Variants in KALRN observed in about 807,000 individuals in gnomAD.
KALRN encodes the protein kalirin RhoGEF kinase.
A neutral mutation model predicts 353.7 loss-of-function variants in KALRN; 70 were observed. The observed-to-expected ratio is 0.20, with a 90% CI of 0.16 to 0.24. The LOEUF is 0.24. Among genes scored for constraint, KALRN ranks in the 10% least tolerant of loss-of-function variants. The pLI, the probability that KALRN is intolerant of heterozygous loss-of-function variation, is 1.00. For synonymous variants in KALRN, 1,391 were observed against 1,434.8 expected (o/e 0.97, Z 0.69); for missense variants, 2,791 against 3,756.7 (o/e 0.74, Z 6.72).
Position 124,506,880 on chromosome 3 carries a change from T to G in KALRN, c.4935+10467T>G, listed in dbSNP as rs147069569. Among the ~76,000 whole-genome samples, 213 of 152,350 alleles carry G rather than the reference T, an allele frequency of 1.4e-3. 3 individuals are homozygous for G. The highest frequency in any genetic ancestry group is 3.9e-4 in the East Asian group (2 of 5,184). On this transcript the variant is annotated intron_variant, in intron 33 of 59. Transcript: ENST00000682506. The stretch of plus-strand genomic sequence containing the variant: ...TATTTTCCTTTACTTGGGATTTTCA[T>G]GTAGGCTGTCTTTTTATCTCATTTA...
chr3:124,246,342 C>T (rs1362260512), intron 3 of KALRN, among the ~76,000 whole-genome samples: 3 of 152,266 alleles, frequency 2.0e-5, no homozygotes, highest in African/African-American at 7.2e-5. Flanking sequence ...GTCACAGGGC[C>T]TGCTCTGCAG....
intron 34 of KALRN, among the ~76,000 whole-genome samples, chr3:124,580,335 T>A (rs1454960284): frequency 1.6e-5 from 2 of 123,214 alleles, no homozygotes; most frequent in African/African-American, 6.2e-5. Context: ...GCACCCAAAG[T>A]CAATTGATCT....
At chr3:124,146,288 A>G (rs1295834025) in intron 1 of KALRN, among the ~76,000 whole-genome samples, 1 of 152,216 alleles carries the variant, frequency 6.6e-6, no homozygotes, top group African/African-American at 2.4e-5. Context: ...ATAGAAAGGA[A>G]GCATTTAGAA....
At chr3:124,697,477 G>A (rs2062108352) in intron 54 of KALRN, 116 bp from the exon 55 acceptor site, 1 of 1,033,718 alleles carries the variant, frequency 9.7e-7, no homozygotes, top group African/African-American at 1.6e-5. Context: ...GGTGGAGAAG[G>A]TCACAGGAAA....
intron 1 of KALRN, among the ~76,000 whole-genome samples, chr3:124,118,742 T>C (rs145048709): frequency 3.2e-4 from 49 of 152,366 alleles, no homozygotes; most frequent in Middle Eastern, 6.8e-3. Flanking sequence ...TGAACATTTA[T>C]TATATACCAG....
At chr3:124,322,462 G>A (rs2079435817) in intron 6 of KALRN, among the ~76,000 whole-genome samples, 1 of 152,194 alleles carries the variant, frequency 6.6e-6, no homozygotes, top group South Asian at 2.1e-4. Context: ...AGATGGAAAG[G>A]CATTGAAGGC....
chr3:124,118,852 A>G (rs1012375407), intron 1 of KALRN, among the ~76,000 whole-genome samples: 25 of 152,208 alleles, frequency 1.6e-4, no homozygotes, highest in Non-Finnish European at 2.9e-5. Flanking sequence ...TCCACCATCT[A>G]TCTCACTTGA....
intron 27 of KALRN, among the ~76,000 whole-genome samples, chr3:124,478,763 T>G (rs3755674): frequency 5.3e-5 from 8 of 152,116 alleles, no homozygotes; most frequent in African/African-American, 1.9e-4. Flanking sequence ...AAGTTTTAAA[T>G]GCATTGTGTC....
rs754609999 is a variant in KALRN, at chr3:124,696,299, T to TA, written c.7699+44_7699+45insA. On this transcript the variant is annotated intron_variant, in intron 54 of 59. Coordinates refer to ENST00000682506, the MANE Select transcript of KALRN (RefSeq NM_001388419.1). ...TCAAACCTTTTGAAATATATATATA[T>TA]TTTTAGACAGGTTCTTGCTCTGCTG... 3.1e-6 allele frequency: 5 copies of TA among 1,588,286 alleles called. No homozygotes were observed. The African/African-American group carries it at 5.4e-5, about 17-fold the overall frequency.
At chr3:124,217,478 G>A (rs1021090583) in intron 1 of KALRN, among the ~76,000 whole-genome samples, 18 of 152,276 alleles carry the variant, frequency 1.2e-4, no homozygotes, top group Admixed American at 1.2e-3. Context: ...GTGTGTGCGT[G>A]TATGGGTACG....
intron 1 of KALRN, among the ~76,000 whole-genome samples, chr3:124,113,455 T>G (rs1036162697): frequency 1.3e-5 from 2 of 152,190 alleles, no homozygotes; most frequent in African/African-American, 4.8e-5. Flanking sequence ...AATATGCATG[T>G]GAGGATCTGG....
intron 34 of KALRN, among the ~76,000 whole-genome samples, chr3:124,587,697 A>ATT (rs2075337533): frequency 1.0e-5 from 1 of 98,610 alleles, no homozygotes; most frequent in African/African-American, 4.9e-5. Context: ...CCCACCCTCC[A>ATT]CTTTTTTTTT....
At chr3:124,422,596 C>T (rs1176137032) in intron 14 of KALRN, among the ~76,000 whole-genome samples, 1 of 152,138 alleles carries the variant, frequency 6.6e-6, no homozygotes, top group African/African-American at 2.4e-5. Context: ...GTTGACTCCT[C>T]AGGCAAAGGA....
rs186237667 is a variant in KALRN at position 124,324,780 on chromosome 3, A to G, written c.1093-1200A>G. On this transcript the variant is annotated intron_variant, in intron 6 of 59. Transcript: ENST00000682506. ...ACCATGAGGGAAGTGAGAAAGGAAA[A>G]TAAAGAACCTTCATTAAACCTACTC... Among the ~76,000 whole-genome samples, 418 of 152,334 alleles carry G rather than the reference A, an allele frequency of 2.7e-3. 1 individual carries two copies. Among genetic ancestry groups the G allele is most frequent in the African/African-American group, 9.4e-3 (389 of 41,584 alleles).
intron 5 of KALRN, among the ~76,000 whole-genome samples, chr3:124,297,174 G>A (rs1449581802): frequency 6.6e-6 from 1 of 152,220 alleles, no homozygotes; most frequent in Non-Finnish European, 1.5e-5. Context: ...CTGGTTGAAT[G>A]TAATTGAAGT....
At chr3:124,412,624 A>G (rs2092259910) in intron 13 of KALRN, among the ~76,000 whole-genome samples, 1 of 152,248 alleles carries the variant, frequency 6.6e-6, no homozygotes, top group South Asian at 2.1e-4. Flanking sequence ...GAGTAGACCC[A>G]GTGAAGTCAT....
At chr3:124,377,750 C>T (rs580186) in intron 10 of KALRN, among the ~76,000 whole-genome samples, 67,659 of 152,020 alleles carry the variant, frequency 0.45, 15,503 homozygotes, top group East Asian at 0.75. Context: ...AGGGTTATTA[C>T]ATCCTCTTGA....
intron 1 of KALRN, among the ~76,000 whole-genome samples, chr3:124,156,916 A>G (rs1027607980): frequency 6.6e-6 from 1 of 152,194 alleles, no homozygotes; most frequent in Non-Finnish European, 1.5e-5. Flanking sequence ...CATTTGCTCT[A>G]TATGTACACA....
At chr3:124,405,638 GTTTTTTTTTTTTT>G (rs71145451) in intron 13 of KALRN, among the ~76,000 whole-genome samples, 1 of 83,868 alleles carries the variant, frequency 1.2e-5, no homozygotes, top group African/African-American at 4.6e-5. Context: ...GGACCTCAGG[GTTTTTTTTTTTTT>G]TTTTTTTTTT....
Sources: gnomAD v4.1 joint callset for allele counts (sites outside exome capture counted in the v4.1 genomes callset) on GRCh38, gnomAD v4.1.1 for gene constraint, MANE v1.5 for transcripts, NCBI Gene and HGNC (gene_info 2026-07-23, HGNC 2026-07-21) for gene names.